Variants in DNAH3 observed in about 807,000 individuals in gnomAD.
DNAH3 encodes the protein axonemal beta dynein heavy chain 3.
A neutral mutation model predicts 432.5 loss-of-function variants in DNAH3; 332 were observed. The ratio of observed to expected loss-of-function variants is 0.77; its 90% CI spans 0.70 to 0.84. DNAH3 has a LOEUF of 0.84. Among genes scored for constraint, DNAH3 ranks in the 40% least tolerant of loss-of-function variants. DNAH3 has a pLI of 0.00. For synonymous variants in DNAH3, 1,956 were observed against 1,900.2 expected (o/e 1.03, Z -0.76); for missense variants, 4,861 against 5,114.0 (o/e 0.95, Z 1.51).
At chr16:20,953,372 T>C (rs529454243) in intron 55 of DNAH3, among the ~76,000 whole-genome samples, 1 of 152,242 alleles carries the variant, frequency 6.6e-6, no homozygotes, top group East Asian at 1.9e-4. Context: ...TTGGCCAGGC[T>C]GGTCTTGAAC....
At chr16:21,031,135 G>C in exon 37 of DNAH3, 1 of 1,614,162 alleles carries the variant, frequency 6.2e-7, no homozygotes, top group South Asian at 1.1e-5. Flanking sequence ...GATCATCAGA[G>C]AGTGAAGACG....
intron 7 of DNAH3, among the ~76,000 whole-genome samples, chr16:21,128,417 G>A (rs534738648): frequency 1.2e-4 from 17 of 141,420 alleles, no homozygotes; most frequent in South Asian, 4.6e-4. Flanking sequence ...AAAAAAGGCC[G>A]GGCGCGGTGG....
intron 14 of DNAH3, among the ~76,000 whole-genome samples, 158 bp downstream of exon 14, chr16:21,111,468 G>C (rs932841899): frequency 6.6e-6 from 1 of 152,082 alleles, no homozygotes; most frequent in African/African-American, 2.4e-5. Flanking sequence ...TCACCTCCTA[G>C]CCTGAACCTG....
intron 13 of DNAH3, 29 bp from the exon 14 acceptor site, chr16:21,111,833 G>T: frequency 6.2e-7 from 1 of 1,606,460 alleles, no homozygotes; most frequent in South Asian, 1.1e-5. Flanking sequence ...TCAGTAGCTT[G>T]ATTTGCCCTT....
intron 52 of DNAH3, among the ~76,000 whole-genome samples, chr16:20,967,651 C>T (rs2085125106): frequency 6.6e-6 from 1 of 151,752 alleles, no homozygotes; most frequent in Non-Finnish European, 1.5e-5. Context: ...TAGGCACACA[C>T]CACTATGCCC....
chr16:20,977,662 C>G (rs529214811), intron 50 of DNAH3, among the ~76,000 whole-genome samples: 3 of 152,302 alleles, frequency 2.0e-5, no homozygotes, highest in Admixed American at 6.5e-5. Flanking sequence ...GGACCACTCC[C>G]CAGGCTGTGT....
exon 53 of DNAH3, chr16:20,965,327 G>T: frequency 6.2e-7 from 1 of 1,607,754 alleles, no homozygotes; most frequent in Non-Finnish European, 8.5e-7. Flanking sequence ...ATGGTCAGTG[G>T]GGGGATGTTG....
chr16:21,126,712 G>A (rs2092452377), intron 8 of DNAH3, among the ~76,000 whole-genome samples: 1 of 152,220 alleles, frequency 6.6e-6, no homozygotes. Flanking sequence ...GGGCGAGCCA[G>A]CTTCATCTGT....
At chr16:21,084,573 C>T (rs918016271) in intron 19 of DNAH3, among the ~76,000 whole-genome samples, 8 of 152,232 alleles carry the variant, frequency 5.3e-5, no homozygotes, top group Admixed American at 1.3e-4. Flanking sequence ...CCACTTGCCT[C>T]GGCCTCTCAA....
At position 21,141,156 on chromosome 16, in the gene DNAH3, T is replaced by C. The variant is rs576116830; in HGVS notation, c.521+144A>G. The C allele has an allele frequency of 7.7e-4, 525 of 683,444 alleles. 5 individuals are homozygous for C. The African/African-American group carries it at 8.4e-3, about 11-fold the overall frequency. 42.3% of individuals were successfully genotyped at this position (683,444 alleles called of 1,614,324 possible). On this transcript the variant is annotated intron_variant, in intron 4 of 61. Coordinates refer to ENST00000261383, the Ensembl canonical transcript of DNAH3. ...TCCATCTCAAAAAAAAAAATTTTTT[T>C]TTTGATTAAAGTGATTCGTGGATAA...
chr16:20,933,665 G>A (rs1241008190), intron 61 of DNAH3, among the ~76,000 whole-genome samples, 158 bp from the exon 62 acceptor site: 1 of 152,182 alleles, frequency 6.6e-6, no homozygotes, highest in Non-Finnish European at 1.5e-5. Flanking sequence ...TAATATTCCT[G>A]CCCACCATAC....
chr16:21,023,168 G>A (rs1024260925), intron 39 of DNAH3, among the ~76,000 whole-genome samples: 16 of 151,986 alleles, frequency 1.1e-4, no homozygotes, highest in African/African-American at 3.9e-4. Flanking sequence ...TGTATGTGTA[G>A]ATGCATTTAT....
At chr16:21,089,966 C>T (rs2091482751) in intron 18 of DNAH3, among the ~76,000 whole-genome samples, 2 of 152,010 alleles carry the variant, frequency 1.3e-5, no homozygotes, top group East Asian at 3.9e-4. Flanking sequence ...ATGCAAATTA[C>T]CAATATCAAA....
At chr16:21,085,907 CAAAT>C (rs1161942339) in intron 19 of DNAH3, among the ~76,000 whole-genome samples, 1 of 152,062 alleles carries the variant, frequency 6.6e-6, no homozygotes, top group African/African-American at 2.4e-5. Context: ...TACTGGACCA[CAAAT>C]GTGCACCACT....
chr16:21,028,792 G>T (rs1189077271), intron 37 of DNAH3, among the ~76,000 whole-genome samples: 1 of 152,176 alleles, frequency 6.6e-6, no homozygotes, highest in African/African-American at 2.4e-5. Context: ...TCACGAAAAT[G>T]GATTCCAGTG....
chr16:21,118,320 A>C (rs2092255316), intron 11 of DNAH3, among the ~76,000 whole-genome samples: 1 of 152,200 alleles, frequency 6.6e-6, no homozygotes, highest in Admixed American at 6.5e-5. Flanking sequence ...CATCTGTAAA[A>C]AAGAAGAGAT....
chr16:21,058,047 CT>C, intron 27 of DNAH3, 38 bp downstream of exon 27: 1 of 1,159,598 alleles, frequency 8.6e-7, no homozygotes, highest in Non-Finnish European at 1.3e-6. Context: ...CTAATTGATG[CT>C]TGGATCTCTT....
intron 21 of DNAH3, 58 bp downstream of exon 21, chr16:21,075,389 C>A: frequency 8.7e-7 from 1 of 1,145,906 alleles, no homozygotes; most frequent in Non-Finnish European, 1.3e-6. Flanking sequence ...TTTCTGTAAT[C>A]TATTGCATAA....
At chr16:21,097,488 C>T (rs2091718011) in exon 18 of DNAH3, 15 of 1,613,372 alleles carry the variant, frequency 9.3e-6, no homozygotes, top group East Asian at 6.7e-5. Flanking sequence ...GCTCTTCCTC[C>T]TTATTGATCA....
Sources: gnomAD v4.1 joint callset for allele counts (sites outside exome capture counted in the v4.1 genomes callset) on GRCh38, gnomAD v4.1.1 for gene constraint, MANE v1.5 for transcripts, NCBI Gene and HGNC (gene_info 2026-07-23, HGNC 2026-07-21) for gene names.